The following KDM2B variants were observed in gnomAD, a reference collection of about 807,000 sequenced individuals.
KDM2B encodes lysine-specific demethylase 2B.
Under a neutral mutation model 150.0 loss-of-function variants are expected in KDM2B, and 26 were observed. The ratio of observed to expected loss-of-function variants is 0.17; its 90% CI spans 0.13 to 0.24. The LOEUF is 0.24. Ranked by LOEUF, KDM2B falls within the 10% of genes least tolerant of loss-of-function variation. KDM2B has a pLI of 1.00. For synonymous variants in KDM2B, 734 were observed against 729.5 expected, an observed-to-expected ratio of 1.01 and a Z score of -0.10; for missense variants, 1,265 against 1,816.9, an observed-to-expected ratio of 0.70 and a Z score of 5.52.
At chr12:121,516,479 T>TCG in intron 9 of KDM2B, 5 of 1,355,296 alleles carry the variant, frequency 3.7e-6, no homozygotes, top group Non-Finnish European at 3.9e-6. Context: ...AAACAGGTTG[T>TCG]CGCCTTCCAC....
chr12:121,426,452 C>CCCCT (rs1555284248), downstream of KDM2B, among the ~76,000 whole-genome samples: 1 of 125,742 alleles, frequency 8.0e-6, no homozygotes, highest in Admixed American at 7.7e-5. Flanking sequence ...CCTCCCCCCC[C>CCCCT]TTTTTTTTTT....
chr12:121,530,889 A>G (rs570323382), intron 8 of KDM2B, among the ~76,000 whole-genome samples: 1 of 152,108 alleles, frequency 6.6e-6, no homozygotes, highest in African/African-American at 2.4e-5. Context: ...TTAGGCTCAG[A>G]GGATGGGGTT....
At position 121,509,597 on chromosome 12, in the gene KDM2B, C is replaced by A. The variant is rs1885403280; in HGVS notation, c.1617G>T (p.Glu539Asp). The A allele has an allele frequency of 6.2e-7, 1 of 1,613,552 alleles. No homozygotes were observed. Among genetic ancestry groups the A allele is most frequent in the Admixed American group, 1.7e-5 (1 of 59,966 alleles). ...ENKKCVPEGI[E>D]DPQALLEGVK... The stretch of plus-strand genomic sequence containing the variant: ...CACCCTCCAGGAGTGCCTGGGGGTC[C>A]TCGATGCCCTCGGGGACACACTTCT... The change falls in exon 11 of 23, where the codon GAG (glutamate) becomes GAT (aspartate). Residue 539 changes from glutamate to aspartate, a missense_variant. Coordinates refer to ENST00000377071, the MANE Select transcript of KDM2B (RefSeq NM_032590.5).
chr12:121,446,497 T>A (rs1374076454), intron 13 of KDM2B, among the ~76,000 whole-genome samples: 1 of 152,232 alleles, frequency 6.6e-6, no homozygotes, highest in African/African-American at 2.4e-5. Context: ...TTCATGTGCT[T>A]TGTGACAATA....
At chr12:121,515,678 GA>G (rs1886112456) in intron 9 of KDM2B, among the ~76,000 whole-genome samples, 1 of 151,754 alleles carries the variant, frequency 6.6e-6, no homozygotes, top group African/African-American at 2.4e-5. Flanking sequence ...TGCCCGTCTG[GA>G]AAAGGCCCAA....
chr12:121,414,767 A>T, the KDM2B span, among the ~76,000 whole-genome samples: 5 of 150,730 alleles, frequency 3.3e-5, no homozygotes, highest in Non-Finnish European at 5.9e-5. Context: ...CCGCCTCCCG[A>T]ATTCAAGCAA....
chr12:121,457,772 ACAC>A (rs1555293099), intron 12 of KDM2B, among the ~76,000 whole-genome samples: 26 of 151,144 alleles, frequency 1.7e-4, no homozygotes, highest in Non-Finnish European at 7.4e-5. Context: ...ACACACACAC[ACAC>A]AAATATCTTG....
At chr12:121,503,635 G>A (rs930141736) in intron 11 of KDM2B, among the ~76,000 whole-genome samples, 1 of 152,094 alleles carries the variant, frequency 6.6e-6, no homozygotes, top group Admixed American at 6.6e-5. Context: ...TTAACTTGGA[G>A]GGGGGATGAG....
rs1875310618 is a variant in KDM2B at position 121,442,525 on chromosome 12, G to A, written c.2916C>T (p.Pro972=). The change falls in exon 19 of 23, where the codon CCC becomes CCT. Residue 972 remains proline, a synonymous_variant. Coordinates refer to ENST00000377071, the MANE Select transcript of KDM2B (RefSeq NM_032590.5). The surrounding 1 kb of genome is among the most constrained non-coding windows in gnomAD (Gnocchi z 7.7). ...ENSLANENQQ[P]IKSEPESEGE... ...CCTCGCTCTCAGGCTCCGACTTGAT[G>A]GGCTGCTGGTTCTCGTTGGCCAGGC... is the stretch of plus-strand genomic sequence containing the variant. 3 of 1,599,598 alleles carry A rather than the reference G, an allele frequency of 1.9e-6. No individual in the cohort carries two copies. Among genetic ancestry groups the A allele is most frequent in the East Asian group, 2.2e-5 (1 of 44,882 alleles).
intron 11 of KDM2B, among the ~76,000 whole-genome samples, chr12:121,506,562 G>C (rs1231484764): frequency 6.6e-6 from 1 of 152,110 alleles, no homozygotes; most frequent in African/African-American, 2.4e-5. Context: ...GTAAGTTCTG[G>C]GGAGGCCGAG....
At chr12:121,489,471 ACT>A (rs1443067823) in intron 12 of KDM2B, among the ~76,000 whole-genome samples, 14 of 151,438 alleles carry the variant, frequency 9.2e-5, no homozygotes, top group African/African-American at 3.2e-4. Context: ...ACCAAGACTC[ACT>A]CTGTCACCCA....
rs1284742457 is a variant in KDM2B, at chr12:121,513,010, G to C, written c.1174+266C>G. ...GATCCCGTTTTAGCAGCCAAGCCCG[G>C]GGCGGCCCCAACCTGCATCTACACA... On this transcript the variant is annotated intron_variant, in intron 10 of 22. Transcript: ENST00000377071. The surrounding 1 kb of genome is among the most constrained non-coding windows in gnomAD (Gnocchi z 5.0). Among the ~76,000 whole-genome samples the C allele has an allele frequency of 7.0e-6, 1 of 143,848 alleles. No homozygotes were observed. The highest frequency in any genetic ancestry group is 1.6e-5 in the Non-Finnish European group (1 of 64,488). The allele number at this position is 143,848 out of a possible 152,430, so 94.4% of individuals were successfully genotyped here. A position where few individuals can be genotyped will look rare whatever the true frequency, so the allele number is the denominator to read the frequency against.
At chr12:121,514,579 C>T (rs143685208) in intron 9 of KDM2B, among the ~76,000 whole-genome samples, 10 of 151,760 alleles carry the variant, frequency 6.6e-5, no homozygotes, top group Non-Finnish European at 1.5e-4. Flanking sequence ...ACACTCACAC[C>T]TTGCTCCCTG....
Position 121,537,939 on chromosome 12 carries a change from T to TGCGTCCCCTTCGGCTCCCGG in KDM2B, c.684-3369_684-3350dup, listed in dbSNP as rs1158389280. Among the ~76,000 whole-genome samples, 27 of 150,304 alleles carry TGCGTCCCCTTCGGCTCCCGG rather than the reference T, an allele frequency of 1.8e-4. No individual in the cohort carries two copies. The highest frequency in any genetic ancestry group is 6.2e-4 in the South Asian group (3 of 4,814). ...TCGGCGGCGGCGGCGGCGGCTCCCGTGCGTCCCCTTCGGCTCCCGGGCGTC... is the reference window on the plus strand; with the variant it reads ...TCGGCGGCGGCGGCGGCGGCTCCCGTGCGTCCCCTTCGGCTCCCGGGCGTCCCCTTCGGCTCCCGGGCGTC... On this transcript the variant is annotated intron_variant, in intron 6 of 22. Coordinates refer to ENST00000377071, the MANE Select transcript of KDM2B (RefSeq NM_032590.5). The surrounding 1 kb of genome is among the most constrained non-coding windows in gnomAD (Gnocchi z 8.7).
intron 4 of KDM2B, among the ~76,000 whole-genome samples, chr12:121,552,843 T>G (rs1183950986): frequency 6.6e-6 from 1 of 152,124 alleles, no homozygotes; most frequent in Non-Finnish European, 1.5e-5. Flanking sequence ...GCCTTGATCT[T>G]GGCAAGGCTA....
At chr12:121,499,118 T>TC (rs1355415113) in intron 11 of KDM2B, among the ~76,000 whole-genome samples, 1 of 149,828 alleles carries the variant, frequency 6.7e-6, no homozygotes, top group African/African-American at 2.5e-5. Context: ...AAATTTTTTT[T>TC]TTTTTTTTTT....
intron 12 of KDM2B, among the ~76,000 whole-genome samples, chr12:121,478,281 G>C (rs556160935): frequency 2.1e-4 from 32 of 151,748 alleles, no homozygotes; most frequent in Non-Finnish European, 3.5e-4. Flanking sequence ...CGCCACTCCG[G>C]TAGTAAGCAC....
chr12:121,576,239 G>A (rs576967363), intron 2 of KDM2B, among the ~76,000 whole-genome samples: 68 of 152,288 alleles, frequency 4.5e-4, no homozygotes, highest in African/African-American at 1.3e-3. Context: ...CCCAAGCCGC[G>A]CTCGGAAAGT....
intron 4 of KDM2B, among the ~76,000 whole-genome samples, chr12:121,553,335 T>C (rs1186071178): frequency 6.6e-6 from 1 of 152,020 alleles, no homozygotes; most frequent in Non-Finnish European, 1.5e-5. Context: ...CTCAAGGTCA[T>C]GTCTGCAAAG....
Sources: gnomAD v4.1 joint callset for allele counts (sites outside exome capture counted in the v4.1 genomes callset) on GRCh38, gnomAD v4.1.1 for gene constraint, Gnocchi (gnomAD v3.1) non-coding constraint, MANE v1.5 for transcripts, NCBI Gene and HGNC (gene_info 2026-07-23, HGNC 2026-07-21) for gene names.